Variants in CHKA observed in about 807,000 individuals in gnomAD.
The protein encoded by CHKA is choline kinase alpha.
A neutral mutation model predicts 60.1 loss-of-function variants in CHKA; 34 were observed. The observed-to-expected ratio is 0.57, with a 90% CI of 0.43 to 0.75. The LOEUF (loss-of-function observed/expected upper bound fraction) is 0.75. CHKA is among the 30% of genes least tolerant of loss of function. The pLI is 0.00. For missense variants in CHKA, 563 were observed against 561.3 expected (o/e 1.00, Z -0.03); for synonymous variants, 217 against 223.1 (o/e 0.97, Z 0.24).
intron 3 of CHKA, among the ~76,000 whole-genome samples, chr11:68,078,889 C>T (rs538769366): frequency 6.6e-5 from 10 of 151,880 alleles, no homozygotes; most frequent in African/African-American, 2.2e-4. Context: ...AGGAAAACTT[C>T]TGAAATTCAA....
intron 8 of CHKA, 27 bp downstream of exon 8, chr11:68,066,402 T>C (rs1158825841): frequency 2.0e-6 from 3 of 1,506,376 alleles, no homozygotes; most frequent in African/African-American, 1.4e-5. Context: ...AATATTGAGA[T>C]GGAAACACTG....
At chr11:68,079,008 A>G (rs1856885315) in intron 3 of CHKA, among the ~76,000 whole-genome samples, 1 of 151,608 alleles carries the variant, frequency 6.6e-6, no homozygotes, top group African/African-American at 2.4e-5. Flanking sequence ...ATCTCGGCTC[A>G]CTGAAGCCTC....
chr11:68,074,434 C>T (rs561483287), intron 4 of CHKA, among the ~76,000 whole-genome samples: 15 of 152,118 alleles, frequency 9.9e-5, no homozygotes, highest in African/African-American at 3.6e-4. Context: ...GAGAGGAACA[C>T]GGTGAAAAGG....
chr11:68,102,578 G>A (rs1857766375), intron 1 of CHKA, among the ~76,000 whole-genome samples: 1 of 152,106 alleles, frequency 6.6e-6, no homozygotes, highest in Non-Finnish European at 1.5e-5. Context: ...CTTAAAGTAA[G>A]ACCTGAAACT....
chr11:68,106,862 G>A (rs990781940), intron 1 of CHKA, among the ~76,000 whole-genome samples: 22 of 152,168 alleles, frequency 1.4e-4, no homozygotes, highest in African/African-American at 4.3e-4. Flanking sequence ...TCTTTGCTGA[G>A]GGGCAAAGCT....
chr11:68,079,599 A>G (rs1590851834), intron 3 of CHKA, among the ~76,000 whole-genome samples: 1 of 152,162 alleles, frequency 6.6e-6, no homozygotes, highest in South Asian at 2.1e-4. Flanking sequence ...CCAAAGTGCT[A>G]GGATTACGGC....
intron 2 of CHKA, among the ~76,000 whole-genome samples, chr11:68,087,593 GA>G (rs933440489): frequency 1.6e-4 from 24 of 151,070 alleles, no homozygotes; most frequent in Admixed American, 3.3e-4. Flanking sequence ...GTTTTTTATA[GA>G]AAAAAAATTG....
intron 4 of CHKA, among the ~76,000 whole-genome samples, chr11:68,072,749 T>C (rs1328429436): frequency 6.6e-6 from 1 of 152,008 alleles, no homozygotes; most frequent in Non-Finnish European, 1.5e-5. Flanking sequence ...CCTGGTGACT[T>C]AGGAGGCTGA....
chr11:68,107,422 C>G (rs916939717), intron 1 of CHKA, among the ~76,000 whole-genome samples: 1 of 151,668 alleles, frequency 6.6e-6, no homozygotes, highest in Non-Finnish European at 1.5e-5. Flanking sequence ...TAATCTTTTC[C>G]TTCCTCTATT....
chr11:68,060,673 T>A (rs902348462), intron 11 of CHKA, among the ~76,000 whole-genome samples: 1 of 152,234 alleles, frequency 6.6e-6, no homozygotes, highest in African/African-American at 2.4e-5. Context: ...AGTTTTAATA[T>A]CATGTCTTTT....
chr11:68,118,720 T>C (rs1168072367), intron 1 of CHKA, among the ~76,000 whole-genome samples: 1 of 152,190 alleles, frequency 6.6e-6, no homozygotes, highest in Admixed American at 6.5e-5. Flanking sequence ...CTTGCAACAT[T>C]ATGTAAAAAG....
chr11:68,110,551 T>C (rs1157878778), intron 1 of CHKA, among the ~76,000 whole-genome samples: 2 of 152,200 alleles, frequency 1.3e-5, no homozygotes, highest in Admixed American at 6.5e-5. Flanking sequence ...AAAATGTGTA[T>C]TTTGTTATGT....
chr11:68,114,236 G>A (rs1000100528), intron 1 of CHKA, among the ~76,000 whole-genome samples: 1 of 152,116 alleles, frequency 6.6e-6, no homozygotes, highest in African/African-American at 2.4e-5. Flanking sequence ...TTACCCAAAT[G>A]AATTGAAAAC....
chr11:68,074,611 G>A, intron 4 of CHKA, 106 bp downstream of exon 4: 1 of 916,726 alleles, frequency 1.1e-6, no homozygotes, highest in Non-Finnish European at 1.8e-6. Flanking sequence ...ACATAGGTGA[G>A]GTTAACAGTG....
intron 2 of CHKA, among the ~76,000 whole-genome samples, chr11:68,087,913 G>A (rs1232359654): frequency 6.6e-5 from 10 of 151,960 alleles, no homozygotes; most frequent in Admixed American, 6.6e-4. Context: ...GGGAATTTGA[G>A]ACCAGCCTGA....
rs191070890 is a variant in CHKA, at chr11:68,074,892, A to G, written c.517-62T>C. The G allele has an allele frequency of 1.9e-4, 280 of 1,504,030 alleles. No homozygotes were observed. In the African/African-American group the frequency reaches 3.2e-3, roughly 17 times the overall value. The allele number at this position is 1,504,030 out of a possible 1,614,324, so 93.2% of individuals were successfully genotyped here. ...TGTTTGCTAAGCGCCAGGCATCAGAAGCACTCTCACAGGAGTGTTTCATCT... is the reference window on the plus strand; with the variant it reads ...TGTTTGCTAAGCGCCAGGCATCAGAGGCACTCTCACAGGAGTGTTTCATCT... On this transcript the variant is annotated intron_variant, in intron 3 of 11. Coordinates refer to ENST00000265689, the MANE Select transcript of CHKA (RefSeq NM_001277.3).
intron 3 of CHKA, among the ~76,000 whole-genome samples, chr11:68,079,011 G>GC (rs2134580626): frequency 6.6e-6 from 1 of 151,704 alleles, no homozygotes; most frequent in East Asian, 1.9e-4. Context: ...TCGGCTCACT[G>GC]AAGCCTCCGC....
intron 1 of CHKA, among the ~76,000 whole-genome samples, chr11:68,105,513 T>C (rs1370231676): frequency 4.0e-5 from 1 of 25,100 alleles, no homozygotes; most frequent in Non-Finnish European, 6.2e-5. Context: ...AGACTCCATC[T>C]CAAAAAAAAA....
intron 2 of CHKA, among the ~76,000 whole-genome samples, chr11:68,087,350 C>T (rs1252682440): frequency 6.6e-6 from 1 of 151,998 alleles, no homozygotes; most frequent in Non-Finnish European, 1.5e-5. Flanking sequence ...GGTCTGGTGG[C>T]AAGTGCCTGT....
Sources: allele counts gnomAD v4.1 joint callset (sites outside exome capture counted in the v4.1 genomes callset), GRCh38; gene constraint gnomAD v4.1.1; transcripts MANE v1.5; gene names NCBI Gene and HGNC (gene_info 2026-07-23, HGNC 2026-07-21).